FARS2: variants seen among roughly 807,000 people sequenced by gnomAD.
FARS2 encodes the protein phenylalanine--tRNA ligase, mitochondrial.
Under a neutral mutation model 46.4 loss-of-function variants are expected in FARS2, and 40 were observed. The ratio of observed to expected loss-of-function variants is 0.86; its 90% CI spans 0.67 to 1.12. The LOEUF is 1.12. Among genes scored for constraint, FARS2 ranks in the 50% most tolerant of loss-of-function variants. The pLI is 0.00. For missense variants in FARS2, 513 were observed against 567.9 expected, an observed-to-expected ratio of 0.90 and a Z score of 0.98; for synonymous variants, 234 against 214.9, an observed-to-expected ratio of 1.09 and a Z score of -0.78.
chr6:5,714,452 A>G (rs1055532341), intron 6 of FARS2, among the ~76,000 whole-genome samples: 1 of 152,176 alleles, frequency 6.6e-6, no homozygotes, highest in Non-Finnish European at 1.5e-5. Context: ...CACAGAGTCC[A>G]TGAATGTGGC....
rs532998075 is a variant in FARS2 at position 5,615,040 on chromosome 6, C to T, written c.1217+1720C>T. On this transcript the variant is annotated intron_variant, in intron 6 of 6. Transcript: ENST00000274680. Reference sequence around the variant, plus strand: ...TTTTTGCTTTTTGTTTTAAAGGATTCCTTCTTTATCTTTCAAGTTTATTAT... The same window carrying T: ...TTTTTGCTTTTTGTTTTAAAGGATTTCTTCTTTATCTTTCAAGTTTATTAT... Among the ~76,000 whole-genome samples the T allele has an allele frequency of 5.9e-5, 9 of 152,174 alleles. No homozygotes were observed. The South Asian group carries it at 1.9e-3, about 32-fold the overall frequency.
chr6:5,683,318 C>T (rs572961581), intron 6 of FARS2, among the ~76,000 whole-genome samples: 7 of 152,292 alleles, frequency 4.6e-5, no homozygotes, highest in Non-Finnish European at 1.0e-4. Flanking sequence ...GACAAGGACA[C>T]ATCCTGGGTT....
intron 4 of FARS2, among the ~76,000 whole-genome samples, chr6:5,446,121 T>C (rs977874575): frequency 6.6e-6 from 1 of 151,268 alleles, no homozygotes; most frequent in Admixed American, 6.6e-5. Context: ...GAGAATGCCG[T>C]GAATCTGGGA....
At chr6:5,342,004 A>G (rs1771693235) in intron 1 of FARS2, among the ~76,000 whole-genome samples, 17 of 152,232 alleles carry the variant, frequency 1.1e-4, no homozygotes, top group Admixed American at 1.1e-3. Flanking sequence ...GAGTAGCCCA[A>G]GTAGAATCAC....
intron 1 of FARS2, among the ~76,000 whole-genome samples, chr6:5,266,181 G>T (rs184827765): frequency 6.6e-6 from 1 of 152,282 alleles, no homozygotes; most frequent in East Asian, 1.9e-4. Context: ...TGAGGTCTAA[G>T]AAAAAACAAT....
chr6:5,436,592 AT>A (rs965068748), intron 4 of FARS2, among the ~76,000 whole-genome samples: 7 of 152,218 alleles, frequency 4.6e-5, no homozygotes, highest in African/African-American at 1.7e-4. Context: ...ATATAAATGC[AT>A]TTTGTGAGAA....
chr6:5,287,424 CG>C (rs1299873290), intron 1 of FARS2, among the ~76,000 whole-genome samples: 1 of 152,142 alleles, frequency 6.6e-6, no homozygotes, highest in African/African-American at 2.4e-5. Context: ...CCTTCCCGGC[CG>C]CACTGTTTCC....
At chr6:5,304,030 A>G (rs1768517506) in intron 1 of FARS2, among the ~76,000 whole-genome samples, 1 of 152,148 alleles carries the variant, frequency 6.6e-6, no homozygotes, top group Non-Finnish European at 1.5e-5. Flanking sequence ...AGCAGGCTGC[A>G]TGGTCTGGTG....
intron 1 of FARS2, among the ~76,000 whole-genome samples, chr6:5,327,267 A>G (rs1770459100): frequency 2.0e-5 from 3 of 152,240 alleles, no homozygotes; most frequent in Admixed American, 6.5e-5. Flanking sequence ...TCAATACAAA[A>G]TCTACATTGT....
At chr6:5,345,321 A>G (rs749720922) in intron 1 of FARS2, among the ~76,000 whole-genome samples, 8 of 152,232 alleles carry the variant, frequency 5.3e-5, no homozygotes, top group Non-Finnish European at 1.2e-4. Flanking sequence ...GATCTGCTAC[A>G]GAGGTGAAAA....
At chr6:5,717,927 T>TAGAGAG (rs1410102835) in intron 6 of FARS2, among the ~76,000 whole-genome samples, 5 of 74,222 alleles carry the variant, frequency 6.7e-5, no homozygotes, top group Admixed American at 1.2e-4. Flanking sequence ...TATATATATA[T>TAGAGAG]ATATATATAC....
At chr6:5,537,658 A>G (rs10085268) in intron 4 of FARS2, among the ~76,000 whole-genome samples, 89,527 of 149,968 alleles carry the variant, frequency 0.6, 27,562 homozygotes, top group East Asian at 0.98. Context: ...AAGAGGCCAC[A>G]TGCAGAAGCA....
rs148482905 is a variant in FARS2 at position 5,394,955 on chromosome 6, T to G, written c.613-9587T>G. ...GTAGGAGAGTAGGACTGTCACCTTG[T>G]AGGCCTCTCTCTTTTTTTTGCCGTT... On this transcript the variant is annotated intron_variant, in intron 2 of 6. Transcript: ENST00000274680. Among the ~76,000 whole-genome samples the G allele has an allele frequency of 3.9e-3, 598 of 152,284 alleles. 2 individuals carry two copies. Among genetic ancestry groups the G allele is most frequent in the African/African-American group, 0.014 (579 of 41,558 alleles).
chr6:5,338,315 A>G (rs1246610544), intron 1 of FARS2, among the ~76,000 whole-genome samples: 1 of 152,044 alleles, frequency 6.6e-6, no homozygotes, highest in East Asian at 1.9e-4. Flanking sequence ...TGAATTGTGT[A>G]TTGTGCTTTT....
intron 6 of FARS2, among the ~76,000 whole-genome samples, chr6:5,748,624 C>T (rs1761769747): frequency 6.6e-6 from 1 of 152,254 alleles, no homozygotes; most frequent in Non-Finnish European, 1.5e-5. Flanking sequence ...GTCCTAATGG[C>T]ATGGCTGGGG....
chr6:5,356,432 C>CAG, intron 1 of FARS2, among the ~76,000 whole-genome samples: 1 of 152,092 alleles, frequency 6.6e-6, no homozygotes, highest in East Asian at 1.9e-4. Context: ...GCTTGGGTGA[C>CAG]AGAGCGAGAC....
intron 4 of FARS2, among the ~76,000 whole-genome samples, chr6:5,525,652 G>A (rs1769417571): frequency 6.6e-6 from 1 of 152,214 alleles, no homozygotes. Flanking sequence ...TAAAAATAAG[G>A]AGGAAAAAGC....
intron 4 of FARS2, among the ~76,000 whole-genome samples, chr6:5,516,335 GC>G (rs2150413895): frequency 1.3e-5 from 2 of 152,242 alleles, no homozygotes; most frequent in South Asian, 4.1e-4. Flanking sequence ...TATGTTCTCT[GC>G]CGTGTCATCT....
At chr6:5,276,727 G>A (rs1766361803) in intron 1 of FARS2, among the ~76,000 whole-genome samples, 1 of 152,210 alleles carries the variant, frequency 6.6e-6, no homozygotes, top group Admixed American at 6.5e-5. Context: ...GACTGGGACT[G>A]TGGGTTGTTC....
Sources: gnomAD v4.1 joint callset for allele counts (sites outside exome capture counted in the v4.1 genomes callset) on GRCh38, gnomAD v4.1.1 for gene constraint, MANE v1.5 for transcripts, NCBI Gene and HGNC (gene_info 2026-07-23, HGNC 2026-07-21) for gene names.